Variants in GLIS3 observed in about 807,000 individuals in gnomAD.
The protein encoded by GLIS3 is GLIS family zinc finger 3, also known as zinc finger protein GLIS3.
Under a neutral mutation model 78.6 loss-of-function variants are expected in GLIS3, and 53 were observed. The observed-to-expected ratio is 0.67, with a 90% confidence interval of 0.54 to 0.85. The LOEUF is 0.85. GLIS3 is among the 40% of genes least tolerant of loss of function. The probability of loss-of-function intolerance (pLI) is 0.00; values close to 1 mark genes in which losing one functional copy is unlikely to be tolerated. For missense variants in GLIS3, 1,703 were observed against 1,231.1 expected (o/e 1.38, Z -5.74); for synonymous variants, 684 against 509.9 (o/e 1.34, Z -4.60).
intron 4 of GLIS3, among the ~76,000 whole-genome samples, chr9:4,089,274 G>C (rs995470502): frequency 6.6e-6 from 1 of 152,068 alleles, no homozygotes. Flanking sequence ...GAAAATTGCT[G>C]TTTAATGTTG....
intron 7 of GLIS3, among the ~76,000 whole-genome samples, chr9:3,888,261 G>C (rs1300851980): frequency 6.6e-6 from 1 of 152,060 alleles, no homozygotes; most frequent in Non-Finnish European, 1.5e-5. Context: ...AAAAATACTG[G>C]GTTCCCAATC....
chr9:4,384,562 C>A, the GLIS3 span, among the ~76,000 whole-genome samples: 4 of 148,030 alleles, frequency 2.7e-5, no homozygotes, highest in East Asian at 7.9e-4. Context: ...TATATAAAAC[C>A]TCTTTCCTTT....
intron 4 of GLIS3, among the ~76,000 whole-genome samples, chr9:3,973,167 C>A (rs759888564): frequency 6.6e-6 from 1 of 152,144 alleles, no homozygotes; most frequent in African/African-American, 2.4e-5. Flanking sequence ...GTTCCAAATG[C>A]AAATGCTGCC....
intron 9 of GLIS3, among the ~76,000 whole-genome samples, chr9:3,853,307 A>G (rs1228425574): frequency 1.3e-5 from 2 of 152,212 alleles, no homozygotes; most frequent in African/African-American, 4.8e-5. Context: ...GTGGAAGAAG[A>G]GTATTTTGCC....
chr9:4,150,047 A>AACACAC (rs59500562), intron 2 of GLIS3, among the ~76,000 whole-genome samples: 1 of 151,850 alleles, frequency 6.6e-6, no homozygotes, highest in African/African-American at 2.4e-5. Context: ...TGCACACATA[A>AACACAC]ACACACACAC....
chr9:4,139,940 C>G (rs1833683365), intron 2 of GLIS3, among the ~76,000 whole-genome samples: 1 of 152,148 alleles, frequency 6.6e-6, no homozygotes, highest in Admixed American at 6.5e-5. Flanking sequence ...AGTTGGGGAC[C>G]CCTGGTCTAA....
At position 4,029,243 on chromosome 9, in the gene GLIS3, T is replaced by C. The variant is rs140682074; in HGVS notation, c.1710+88525A>G. Reference sequence around the variant, plus strand: ...TCTCATCTAGTCAAATGTAACAATATTTGCCCTTCAGGATTAGAAATTCCA... The same window carrying C: ...TCTCATCTAGTCAAATGTAACAATACTTGCCCTTCAGGATTAGAAATTCCA... On this transcript the variant is annotated intron_variant, in intron 4 of 10. Coordinates refer to ENST00000381971, the MANE Select transcript of GLIS3 (RefSeq NM_001042413.2). Among the ~76,000 whole-genome samples the C allele has an allele frequency of 5.3e-5, 8 of 152,116 alleles. No individual in the cohort carries two copies. The South Asian group carries it at 8.3e-4, about 16-fold the overall frequency.
intron 2 of GLIS3, among the ~76,000 whole-genome samples, chr9:4,323,665 G>C (rs1467292047): frequency 1.3e-5 from 2 of 152,136 alleles, no homozygotes; most frequent in Admixed American, 1.3e-4. Flanking sequence ...AAAGCATCAT[G>C]TATGTCTCCT....
At chr9:4,059,611 G>A (rs764966189) in intron 4 of GLIS3, among the ~76,000 whole-genome samples, 7 of 152,136 alleles carry the variant, frequency 4.6e-5, no homozygotes, top group Non-Finnish European at 8.8e-5. Flanking sequence ...ACTGGTGCAG[G>A]GATTGCTTTG....
the GLIS3 span, among the ~76,000 whole-genome samples, chr9:4,388,755 A>C: frequency 6.6e-6 from 1 of 152,186 alleles, no homozygotes; most frequent in Non-Finnish European, 1.5e-5. Context: ...AAAATCATCT[A>C]ACATATATGT....
chr9:4,073,499 A>G (rs79595772), intron 4 of GLIS3, among the ~76,000 whole-genome samples: 4,383 of 152,272 alleles, frequency 0.029, 211 homozygotes, highest in African/African-American at 0.1. Context: ...CCAGGCTTAG[A>G]GAGCTGGTAG....
intron 2 of GLIS3, among the ~76,000 whole-genome samples, chr9:4,260,426 G>T (rs1219851390): frequency 1.3e-5 from 2 of 152,060 alleles, no homozygotes; most frequent in South Asian, 4.2e-4. Context: ...AATTAGCTTG[G>T]CGTGGTGGCA....
rs537802020 is a variant in GLIS3 at position 3,965,255 on chromosome 9, G to A, written c.1711-28066C>T. ...AGTGCCCAGGCTGGAGTGCAGTGGC[G>A]TGATCTCGGCTCACTGCAACCTTTG... On this transcript the variant is annotated intron_variant, in intron 4 of 10. Transcript: ENST00000381971. Among the ~76,000 whole-genome samples the A allele has an allele frequency of 5.6e-5, 8 of 141,940 alleles. No homozygotes were observed. The South Asian group carries it at 1.3e-3, about 23-fold the overall frequency. 93.1% of individuals were successfully genotyped at this position (141,940 alleles called of 152,430 possible).
intron 4 of GLIS3, among the ~76,000 whole-genome samples, chr9:4,307,472 A>G (rs1817256570): frequency 6.6e-6 from 1 of 152,032 alleles, no homozygotes; most frequent in Non-Finnish European, 1.5e-5. Flanking sequence ...GACCTTTACT[A>G]TCCACCTCCT....
At chr9:4,188,274 G>A (rs1215924400) in intron 2 of GLIS3, among the ~76,000 whole-genome samples, 7 of 150,886 alleles carry the variant, frequency 4.6e-5, no homozygotes, top group Admixed American at 1.3e-4. Context: ...TTTGTCTTTG[G>A]TTCGTTTATA....
chr9:4,398,362 G>T, the GLIS3 span, among the ~76,000 whole-genome samples: 4 of 151,958 alleles, frequency 2.6e-5, no homozygotes, highest in Non-Finnish European at 4.4e-5. Context: ...ACTCCACCCC[G>T]TATCTATGGA....
At chr9:4,470,762 G>A in the GLIS3 span, among the ~76,000 whole-genome samples, 1 of 150,732 alleles carries the variant, frequency 6.6e-6, no homozygotes, top group African/African-American at 2.5e-5. Context: ...AGGGCAATAA[G>A]GCAGGAGAAG....
intron 2 of GLIS3, among the ~76,000 whole-genome samples, chr9:4,268,229 TAAC>T (rs33987201): frequency 6.6e-5 from 10 of 152,060 alleles, no homozygotes; most frequent in South Asian, 4.1e-4. Context: ...GGAGTCATAA[TAAC>T]AACAACAACA....
At chr9:4,342,066 A>G (rs7856361) in intron 2 of GLIS3, among the ~76,000 whole-genome samples, 6,391 of 152,130 alleles carry the variant, frequency 0.042, 310 homozygotes, top group East Asian at 0.24. Context: ...TAATCTGTGG[A>G]TAGTTTCTTT....
Sources: allele counts gnomAD v4.1 joint callset (sites outside exome capture counted in the v4.1 genomes callset), GRCh38; gene constraint gnomAD v4.1.1; transcripts MANE v1.5; gene names NCBI Gene and HGNC (gene_info 2026-07-23, HGNC 2026-07-21).